ATL1: variants seen among roughly 807,000 people sequenced by gnomAD.
ATL1 encodes the protein atlastin-1.
Under a neutral mutation model 75.5 loss-of-function variants are expected in ATL1, and 31 were observed. That is an observed-to-expected ratio of 0.41 (90% CI 0.31 to 0.55). ATL1 has a LOEUF of 0.55. Ranked by LOEUF, ATL1 falls within the 20% of genes least tolerant of loss-of-function variation. The pLI is 0.27. For missense variants in ATL1, 405 were observed against 662.6 expected (o/e 0.61, Z 4.27); for synonymous variants, 226 against 233.3 (o/e 0.97, Z 0.28).
chr14:50,572,057 T>C lies in ATL1; in HGVS notation c.34+11758T>C, dbSNP rs2038959668. On this transcript the variant is annotated intron_variant, in intron 1 of 13. Transcript: ENST00000358385. ...AGGGATCAAATCCCCACAATATTCC[T>C]TGGACATGTCTGCCACCATTTAATT... is the stretch of plus-strand genomic sequence containing the variant. 3 of 545,852 alleles carry C rather than the reference T, an allele frequency of 5.5e-6. No homozygotes were observed. In the Admixed American group the frequency reaches 6.1e-5, roughly 11 times the overall value. The allele number at this position is 545,852 out of a possible 1,614,324, so 33.8% of individuals were successfully genotyped here.
intron 1 of ATL1, among the ~76,000 whole-genome samples, chr14:50,561,673 G>C (rs1595581022): frequency 6.6e-6 from 1 of 152,186 alleles, no homozygotes; most frequent in East Asian, 1.9e-4. Flanking sequence ...TGGTAGGCAT[G>C]GAGAGTTGGA....
At chr14:50,586,717 T>A (rs970759999) in intron 1 of ATL1, among the ~76,000 whole-genome samples, 3 of 152,112 alleles carry the variant, frequency 2.0e-5, no homozygotes, top group East Asian at 1.9e-4. Context: ...TTTTTTTTTT[T>A]TTATTGTAGT....
intron 7 of ATL1, 96 bp downstream of exon 7, chr14:50,613,447 G>A (rs1424710708): frequency 2.3e-5 from 20 of 873,290 alleles, no homozygotes; most frequent in South Asian, 5.5e-5. Context: ...GCCACTAGCC[G>A]CAATCTCATT....
At chr14:50,600,930 C>G (rs1476081402) in intron 6 of ATL1, among the ~76,000 whole-genome samples, 1 of 152,012 alleles carries the variant, frequency 6.6e-6, no homozygotes, top group Non-Finnish European at 1.5e-5. Context: ...TAGTGAGACT[C>G]TATCTCTACA....
chr14:50,590,547 C>G (rs1001767234), intron 2 of ATL1, among the ~76,000 whole-genome samples: 4 of 152,134 alleles, frequency 2.6e-5, no homozygotes, highest in African/African-American at 9.7e-5. Context: ...CAAGTCTTAG[C>G]TCAAACATCC....
chr14:50,557,416 A>G (rs2038777616), upstream of ATL1, among the ~76,000 whole-genome samples: 1 of 151,914 alleles, frequency 6.6e-6, no homozygotes, highest in Non-Finnish European at 1.5e-5. Flanking sequence ...TACTTTTTTC[A>G]TATCCTTTCC....
At chr14:50,545,291 C>T (rs1302554825) in intron 1 of ATL1, among the ~76,000 whole-genome samples, 1 of 152,208 alleles carries the variant, frequency 6.6e-6, no homozygotes, top group Non-Finnish European at 1.5e-5. Context: ...TCTGAACTGT[C>T]TGAGTCACGT....
rs764500634 is a variant in ATL1 at position 50,632,319 on chromosome 14, T to G, written c.1657T>G (p.Ser553Ala). ...PTPKSESTEQSEKKKM is the reference protein window; with the variant it reads ...PTPKSESTEQAEKKKM ...ACCAAAGTCGGAATCTACTGAACAA[T>G]CAGAAAAGAAAAAAATGTAATGCAA... is the stretch of plus-strand genomic sequence containing the variant. Residue 553 changes from serine (S) to alanine (A), a missense_variant, in exon 14 of 14, where the codon TCA becomes GCA. Physicochemically the swap from Ser to Ala is moderately conservative, Grantham distance 99. Transcript: ENST00000358385. The G allele has an allele frequency of 3.7e-6, 6 of 1,610,968 alleles. No homozygotes were observed. Among genetic ancestry groups the G allele is most frequent in the Non-Finnish European group, 5.1e-6 (6 of 1,177,426 alleles).
At chr14:50,536,222 A>T (rs1206002533) in intron 1 of ATL1, among the ~76,000 whole-genome samples, 1 of 152,230 alleles carries the variant, frequency 6.6e-6, no homozygotes, top group Non-Finnish European at 1.5e-5. Flanking sequence ...AGGTGGGCGG[A>T]TCATCTGAGG....
rs1424239095 is a variant in ATL1 at position 50,574,931 on chromosome 14, GTGTGTGTATATATATATATA to G, written c.35-12898_35-12879del. Among the ~76,000 whole-genome samples the G allele has an allele frequency of 2.5e-4, 20 of 78,736 alleles. No homozygotes were observed. In the South Asian group the frequency reaches 4.0e-3, roughly 16 times the overall value. The allele number at this position is 78,736 out of a possible 152,430, so 51.7% of individuals were successfully genotyped here. A position where few individuals can be genotyped will look rare whatever the true frequency, so the allele number is the denominator to read the frequency against. ...TGAGTGTGTGTGTGTGTGTGTGTGT[GTGTGTGTATATATATATATA>G]TATATATATATATATATATATATAT... On this transcript the variant is annotated intron_variant, in intron 1 of 13. Transcript: ENST00000358385.
intron 1 of ATL1, among the ~76,000 whole-genome samples, chr14:50,553,922 A>G (rs561682949): frequency 6.6e-6 from 1 of 152,282 alleles, no homozygotes; most frequent in African/African-American, 2.4e-5. Flanking sequence ...AGGCATAAGA[A>G]TGATATAATG....
intron 1 of ATL1, among the ~76,000 whole-genome samples, chr14:50,577,124 G>T (rs1262804898): frequency 6.6e-6 from 1 of 151,948 alleles, no homozygotes; most frequent in African/African-American, 2.4e-5. Context: ...ATGCAGTGGC[G>T]CAATCTCAGC....
chr14:50,630,111 G>T, intron 13 of ATL1, 102 bp downstream of exon 13: 1 of 797,154 alleles, frequency 1.3e-6, no homozygotes, highest in East Asian at 2.8e-5. Flanking sequence ...ATGTAGATTA[G>T]AACAATCTTT....
At chr14:50,539,020 T>G (rs1028085348) in intron 1 of ATL1, among the ~76,000 whole-genome samples, 4 of 152,222 alleles carry the variant, frequency 2.6e-5, no homozygotes, top group African/African-American at 9.6e-5. Context: ...TTATATTCTC[T>G]TTCTGTGCTT....
intron 1 of ATL1, among the ~76,000 whole-genome samples, chr14:50,565,507 G>A (rs2038895406): frequency 6.6e-6 from 1 of 151,658 alleles, no homozygotes; most frequent in Non-Finnish European, 1.5e-5. Flanking sequence ...ATTCTACTGG[G>A]TCATACATGT....
chr14:50,554,173 A>G (rs889343270), intron 1 of ATL1, among the ~76,000 whole-genome samples: 9 of 152,100 alleles, frequency 5.9e-5, no homozygotes, highest in African/African-American at 2.2e-4. Context: ...TTGTGCCTAT[A>G]TGCCTGATGA....
At chr14:50,546,963 T>C (rs1336589592) in intron 1 of ATL1, among the ~76,000 whole-genome samples, 1 of 152,090 alleles carries the variant, frequency 6.6e-6, no homozygotes, top group African/African-American at 2.4e-5. Flanking sequence ...CATTAGGTAT[T>C]TCTCCTAATG....
chr14:50,590,908 A>T, intron 2 of ATL1, 33 bp from the exon 3 acceptor site: 1 of 1,606,332 alleles, frequency 6.2e-7, no homozygotes, highest in Non-Finnish European at 8.5e-7. Context: ...TACACATATC[A>T]AGTTCCATAT....
intron 1 of ATL1, among the ~76,000 whole-genome samples, chr14:50,551,980 C>G (rs568810078): frequency 2.0e-5 from 3 of 152,312 alleles, no homozygotes; most frequent in Non-Finnish European, 2.9e-5. Context: ...TTCACCACTT[C>G]TACTCAACAT....
Sources: allele counts gnomAD v4.1 joint callset (sites outside exome capture counted in the v4.1 genomes callset), GRCh38; gene constraint gnomAD v4.1.1; transcripts MANE v1.5; gene names NCBI Gene and HGNC (gene_info 2026-07-23, HGNC 2026-07-21).